GNPAT: variants seen among roughly 807,000 people sequenced by gnomAD.
GNPAT encodes glyceronephosphate O-acyltransferase.
GNPAT carries 30 observed loss-of-function variants against 78.4 expected under a neutral mutation model. The observed-to-expected ratio is 0.38, with a 90% CI of 0.29 to 0.52. The LOEUF is 0.52. Among genes scored for constraint, GNPAT ranks in the 20% least tolerant of loss-of-function variants. The probability of loss-of-function intolerance (pLI) is 0.84; values close to 1 mark genes in which losing one functional copy is unlikely to be tolerated. For missense variants in GNPAT, 714 were observed against 812.2 expected (o/e 0.88, Z 1.47); for synonymous variants, 271 against 281.1 (o/e 0.96, Z 0.36).
intron 2 of GNPAT, among the ~76,000 whole-genome samples, chr1:231,259,343 G>T (rs1685155967): frequency 6.6e-6 from 1 of 152,230 alleles, no homozygotes; most frequent in East Asian, 1.9e-4. Flanking sequence ...CCACTGAATA[G>T]TTCACTTTAA....
intron 2 of GNPAT, among the ~76,000 whole-genome samples, chr1:231,259,252 G>T (rs1685153690): frequency 6.6e-6 from 1 of 151,698 alleles, no homozygotes. Context: ...GTTCCTCCCT[G>T]TTGAACTGAG....
Position 231,260,489 on chromosome 1 carries a change from C to T in GNPAT, c.262-18C>T, listed in dbSNP as rs1685191906. The T allele has an allele frequency of 6.3e-7, 1 of 1,577,776 alleles. No individual in the cohort carries two copies. Among genetic ancestry groups the T allele is most frequent in the Non-Finnish European group, 8.7e-7 (1 of 1,147,814 alleles). ...TTATTGTTGTTAGAAATTATTCCTGCTTTTCCTTTCCTTTTAGCTTTCCAA... is the reference window on the plus strand; with the variant it reads ...TTATTGTTGTTAGAAATTATTCCTGTTTTTCCTTTCCTTTTAGCTTTCCAA... On this transcript the variant is annotated intron_variant, in intron 2 of 15. Coordinates refer to ENST00000366647, the MANE Select transcript of GNPAT (RefSeq NM_014236.4).
At chr1:231,265,262 C>T (rs1685343202) in intron 4 of GNPAT, 31 bp from the exon 5 acceptor site, 3 of 1,520,414 alleles carry the variant, frequency 2.0e-6, no homozygotes, top group Middle Eastern at 1.7e-4. Flanking sequence ...ATTTCAAGAT[C>T]TGCAAATAAA....
chr1:231,271,126 G>T, intron 10 of GNPAT, 126 bp downstream of exon 10: 1 of 1,117,016 alleles, frequency 9.0e-7, no homozygotes, highest in Non-Finnish European at 1.4e-6. Context: ...CTATCACTGA[G>T]AAAAAGTTAG....
chr1:231,251,295 C>T, intron 2 of GNPAT, 152 bp downstream of exon 2: 1 of 592,186 alleles, frequency 1.7e-6, no homozygotes, highest in Non-Finnish European at 3.0e-6. Context: ...GTGTGTTAGC[C>T]TCTTGCTAGA....
chr1:231,270,454 G>A (rs1230096007), intron 9 of GNPAT, among the ~76,000 whole-genome samples: 1 of 152,174 alleles, frequency 6.6e-6, no homozygotes, highest in Non-Finnish European at 1.5e-5. Flanking sequence ...CTTGGTTCCT[G>A]AAGTACACAG....
intron 2 of GNPAT, among the ~76,000 whole-genome samples, chr1:231,259,919 C>T (rs997606964): frequency 2.6e-5 from 4 of 152,180 alleles, no homozygotes; most frequent in South Asian, 4.1e-4. Context: ...TCTCCAGGCC[C>T]TTGACAGTCC....
At chr1:231,277,434 A>G in intron 15 of GNPAT, 65 bp from the exon 16 acceptor site, 2 of 807,996 alleles carry the variant, frequency 2.5e-6, no homozygotes, top group South Asian at 1.3e-5. Flanking sequence ...CGCCCAAGGA[A>G]CAGCTGTATG....
intron 2 of GNPAT, among the ~76,000 whole-genome samples, chr1:231,259,188 C>A (rs952672392): frequency 6.8e-6 from 1 of 146,824 alleles, no homozygotes; most frequent in Non-Finnish European, 1.5e-5. Context: ...ATCACTGTTT[C>A]AGGTAACCTG....
At chr1:231,241,905 G>A (rs1684621998) in intron 1 of GNPAT, among the ~76,000 whole-genome samples, 1 of 152,250 alleles carries the variant, frequency 6.6e-6, no homozygotes, top group African/African-American at 2.4e-5. Flanking sequence ...TGGGAGTAGA[G>A]CACTTGGCTT....
At chr1:231,248,385 G>T (rs927597554) in intron 1 of GNPAT, among the ~76,000 whole-genome samples, 2 of 152,096 alleles carry the variant, frequency 1.3e-5, no homozygotes, top group African/African-American at 4.8e-5. Flanking sequence ...TGAGGAGGAG[G>T]AGGAAGAGGA....
At chr1:231,267,927 T>G (rs749778797) in intron 9 of GNPAT, 24 bp downstream of exon 9, 1 of 1,319,630 alleles carries the variant, frequency 7.6e-7, no homozygotes, top group East Asian at 2.3e-5. Flanking sequence ...ACATATGTGT[T>G]GAGAATGCTT....
chr1:231,253,667 A>G (rs1365698175), intron 2 of GNPAT, among the ~76,000 whole-genome samples: 2 of 152,182 alleles, frequency 1.3e-5, no homozygotes, highest in Non-Finnish European at 1.5e-5. Context: ...TTCCTCATCA[A>G]TTAGATGCTA....
intron 2 of GNPAT, among the ~76,000 whole-genome samples, chr1:231,252,703 C>CT (rs77633737): frequency 9.8e-4 from 142 of 145,586 alleles, no homozygotes; most frequent in Non-Finnish European, 9.7e-4. Flanking sequence ...ATGCTCTCTC[C>CT]TTTTTTTTTT....
rs1368409537 is a variant in GNPAT, at chr1:231,267,910, A to G, written c.1279+7A>G. 2 of 1,504,320 alleles carry G rather than the reference A, an allele frequency of 1.3e-6. No individual in the cohort carries two copies. Among genetic ancestry groups the G allele is most frequent in the Non-Finnish European group, 1.9e-6 (2 of 1,079,720 alleles). The allele number at this position is 1,504,320 out of a possible 1,614,324, so 93.2% of individuals were successfully genotyped here. A position where few individuals can be genotyped will look rare whatever the true frequency, so the allele number is the denominator to read the frequency against. ...GGGTTTCTCATTTGGCCTGGTATGT[A>G]GGTAGGACATATGTGTTGAGAATGC... On this transcript the variant is annotated splice_region_variant and intron_variant, in intron 9 of 15. Coordinates refer to ENST00000366647, the MANE Select transcript of GNPAT (RefSeq NM_014236.4).
chr1:231,274,181 G>GGA (rs769389842), intron 12 of GNPAT, 119 bp downstream of exon 12: 10 of 888,104 alleles, frequency 1.1e-5, no homozygotes, highest in Non-Finnish European at 1.7e-5. Context: ...AATGGAAGAA[G>GGA]GAGAGAGAGT....
chr1:231,248,835 A>G (rs1684817962), intron 1 of GNPAT, among the ~76,000 whole-genome samples: 1 of 152,218 alleles, frequency 6.6e-6, no homozygotes, highest in Non-Finnish European at 1.5e-5. Context: ...GTACAGTAAC[A>G]TGCTGTACAG....
At chr1:231,265,958 C>T in intron 6 of GNPAT, 56 bp from the exon 7 acceptor site, 1 of 1,443,338 alleles carries the variant, frequency 6.9e-7, no homozygotes, top group Non-Finnish European at 9.7e-7. Context: ...TTTATGTGCT[C>T]ATGTTTGCTC....
intron 14 of GNPAT, 144 bp downstream of exon 14, chr1:231,275,642 T>A: frequency 1.5e-6 from 1 of 683,052 alleles, no homozygotes; most frequent in Non-Finnish European, 2.7e-6. Flanking sequence ...ATTAGTTAAG[T>A]CAGTGTGAGT....
Sources: gnomAD v4.1 joint callset for allele counts (sites outside exome capture counted in the v4.1 genomes callset) on GRCh38, gnomAD v4.1.1 for gene constraint, MANE v1.5 for transcripts, NCBI Gene and HGNC (gene_info 2026-07-23, HGNC 2026-07-21) for gene names.